The following PCDH9 variants were observed in gnomAD, a reference collection of about 807,000 sequenced individuals.
PCDH9 encodes the protein protocadherin 9, also known as protocadherin-9.
Under a neutral mutation model 70.6 loss-of-function variants are expected in PCDH9, and 24 were observed. The observed-to-expected ratio is 0.34, with a 90% CI of 0.25 to 0.48. PCDH9 has a LOEUF of 0.48. Among genes scored for constraint, PCDH9 ranks in the 20% least tolerant of loss-of-function variants. PCDH9 has a pLI of 0.99. For missense variants in PCDH9, 1,281 were observed against 1,503.6 expected (o/e 0.85, Z 2.45); for synonymous variants, 562 against 558.5 (o/e 1.01, Z -0.09).
intron 4 of PCDH9, among the ~76,000 whole-genome samples, chr13:66,368,548 C>T (rs1478498219): frequency 2.0e-5 from 3 of 151,278 alleles, no homozygotes; most frequent in Non-Finnish European, 4.4e-5. Context: ...TCAATACATT[C>T]TATTTTATAT....
chr13:66,998,428 T>C (rs549183926), intron 2 of PCDH9, among the ~76,000 whole-genome samples: 15 of 152,324 alleles, frequency 9.8e-5, no homozygotes, highest in African/African-American at 3.6e-4. Flanking sequence ...CTCTTCTGAG[T>C]TCTGTACTCT....
At chr13:67,043,847 C>T (rs1239251482) in intron 2 of PCDH9, among the ~76,000 whole-genome samples, 2 of 151,974 alleles carry the variant, frequency 1.3e-5, no homozygotes, top group Non-Finnish European at 2.9e-5. Flanking sequence ...TGTTTATGCC[C>T]TGTAGGAGAG....
chr13:67,002,766 A>T (rs1011841533), intron 2 of PCDH9, among the ~76,000 whole-genome samples: 4 of 152,052 alleles, frequency 2.6e-5, no homozygotes, highest in Non-Finnish European at 4.4e-5. Flanking sequence ...CTTTTAATTA[A>T]CAGTTTTATT....
intron 2 of PCDH9, among the ~76,000 whole-genome samples, chr13:67,082,752 A>G (rs1186116158): frequency 2.0e-5 from 3 of 152,170 alleles, no homozygotes; most frequent in African/African-American, 7.2e-5. Context: ...ACCAATCCTT[A>G]TATGCCAATT....
chr13:66,705,664 C>A (rs1414571964), intron 3 of PCDH9, among the ~76,000 whole-genome samples: 1 of 152,078 alleles, frequency 6.6e-6, no homozygotes, highest in Non-Finnish European at 1.5e-5. Context: ...GTGATAAAAT[C>A]TAAAATGCAG....
intron 3 of PCDH9, among the ~76,000 whole-genome samples, chr13:66,836,639 G>A (rs1237868465): frequency 6.6e-6 from 1 of 152,120 alleles, no homozygotes; most frequent in African/African-American, 2.4e-5. Flanking sequence ...TGAGCTGTTT[G>A]AAACCAGAAA....
At chr13:66,725,582 TAG>T (rs1428792022) in intron 3 of PCDH9, among the ~76,000 whole-genome samples, 13 of 152,188 alleles carry the variant, frequency 8.5e-5, no homozygotes, top group African/African-American at 3.1e-4. Flanking sequence ...TGTTCTAGGA[TAG>T]AGTGTGATTT....
intron 3 of PCDH9, among the ~76,000 whole-genome samples, chr13:66,833,266 C>T (rs1206592985): frequency 6.6e-6 from 1 of 152,110 alleles, no homozygotes; most frequent in African/African-American, 2.4e-5. Flanking sequence ...TCTAACAAAA[C>T]GGGACTGAAT....
chr13:66,788,421 C>T (rs1227674507), intron 3 of PCDH9, among the ~76,000 whole-genome samples: 1 of 152,120 alleles, frequency 6.6e-6, no homozygotes, highest in Non-Finnish European at 1.5e-5. Flanking sequence ...TTGACTTTCT[C>T]CTGCCTCATC....
At chr13:67,083,987 C>G (rs913016158) in intron 2 of PCDH9, among the ~76,000 whole-genome samples, 1 of 152,118 alleles carries the variant, frequency 6.6e-6, no homozygotes, top group African/African-American at 2.4e-5. Context: ...GAGCAGAGAT[C>G]ACCACTCTTA....
chr13:66,460,811 G>GTA (rs781534157), intron 4 of PCDH9, among the ~76,000 whole-genome samples: 2 of 151,962 alleles, frequency 1.3e-5, no homozygotes, highest in Middle Eastern at 3.4e-3. Flanking sequence ...ACTCCAGCAT[G>GTA]TAAACCCTTC....
chr13:66,889,530 T>C (rs2139562430), intron 3 of PCDH9, among the ~76,000 whole-genome samples: 1 of 152,198 alleles, frequency 6.6e-6, no homozygotes, highest in South Asian at 2.1e-4. Context: ...GTGACTCAAG[T>C]GGAGGAGAAA....
At chr13:66,691,545 T>C (rs964238240) in intron 3 of PCDH9, among the ~76,000 whole-genome samples, 21 of 152,164 alleles carry the variant, frequency 1.4e-4, no homozygotes, top group African/African-American at 4.3e-4. Context: ...ATTTTTTTAC[T>C]ATTATTTTAA....
intron 4 of PCDH9, among the ~76,000 whole-genome samples, chr13:66,440,203 G>GC (rs1367445380): frequency 1.3e-5 from 2 of 152,080 alleles, no homozygotes; most frequent in Non-Finnish European, 2.9e-5. Flanking sequence ...TGCCAATGTA[G>GC]CAACAATTCT....
At chr13:67,180,937 A>G (rs1256958879) in intron 2 of PCDH9, among the ~76,000 whole-genome samples, 1 of 151,406 alleles carries the variant, frequency 6.6e-6, no homozygotes, top group Non-Finnish European at 1.5e-5. Context: ...AGCACCATCA[A>G]CTGCAATAAG....
chr13:66,600,420 T>G (rs1007547596), intron 4 of PCDH9, among the ~76,000 whole-genome samples: 6 of 151,954 alleles, frequency 3.9e-5, no homozygotes, highest in Non-Finnish European at 7.4e-5. Context: ...TTTACTCTGC[T>G]AGTATTATTT....
chr13:66,360,076 G>C (rs555650613), intron 4 of PCDH9, among the ~76,000 whole-genome samples: 1 of 152,118 alleles, frequency 6.6e-6, no homozygotes, highest in East Asian at 1.9e-4. Context: ...GTTGGCAGTA[G>C]GTATGAAATG....
intron 4 of PCDH9, among the ~76,000 whole-genome samples, chr13:66,615,902 T>A (rs1017583523): frequency 5.3e-5 from 8 of 152,258 alleles, no homozygotes; most frequent in Non-Finnish European, 5.9e-5. Flanking sequence ...GGTATTCTTA[T>A]GGCAATATAC....
intron 4 of PCDH9, among the ~76,000 whole-genome samples, chr13:66,568,024 C>T (rs1041729767): frequency 6.6e-6 from 1 of 152,042 alleles, no homozygotes; most frequent in Non-Finnish European, 1.5e-5. Flanking sequence ...TGTCTGTGCC[C>T]ACCCAAAATT....
Sources: gnomAD v4.1 joint callset for allele counts (sites outside exome capture counted in the v4.1 genomes callset) on GRCh38, gnomAD v4.1.1 for gene constraint, MANE v1.5 for transcripts, NCBI Gene and HGNC (gene_info 2026-07-23, HGNC 2026-07-21) for gene names.